The following GLMN variants were observed in gnomAD, a reference collection of about 807,000 sequenced individuals.
The protein encoded by GLMN is glomulin.
Under a neutral mutation model 87.8 loss-of-function variants are expected in GLMN, and 75 were observed. The observed-to-expected ratio is 0.85, with a 90% CI of 0.71 to 1.04. The LOEUF (loss-of-function observed/expected upper bound fraction) is 1.04. Among genes scored for constraint, GLMN ranks in the 50% least tolerant of loss-of-function variants. GLMN has a pLI of 0.00. For missense variants in GLMN, 588 were observed against 658.8 expected, an observed-to-expected ratio of 0.89 and a Z score of 1.18; for synonymous variants, 206 against 221.6, an observed-to-expected ratio of 0.93 and a Z score of 0.63.
chr1:92,325,005 A>G, the GLMN span, among the ~76,000 whole-genome samples: 8 of 152,110 alleles, frequency 5.3e-5, no homozygotes, highest in Non-Finnish European at 1.0e-4. Flanking sequence ...CTCTTGCTCA[A>G]TTGTTATTTG....
At chr1:92,326,152 A>G in the GLMN span, among the ~76,000 whole-genome samples, 2 of 152,022 alleles carry the variant, frequency 1.3e-5, no homozygotes, top group Admixed American at 6.6e-5. Flanking sequence ...CTACTACTAT[A>G]TGGGAGTTTC....
At chr1:92,276,398 C>T (rs1647299261) in intron 7 of GLMN, among the ~76,000 whole-genome samples, 1 of 151,970 alleles carries the variant, frequency 6.6e-6, no homozygotes, top group East Asian at 1.9e-4. Flanking sequence ...CAGTGGCTCT[C>T]GCCTGTAATC....
At chr1:92,321,078 C>T in the GLMN span, among the ~76,000 whole-genome samples, 1 of 152,146 alleles carries the variant, frequency 6.6e-6, no homozygotes, top group Non-Finnish European at 1.5e-5. Context: ...CTAAACTTTC[C>T]TCATGGTATT....
At chr1:92,287,542 T>C (rs1191171752) in intron 6 of GLMN, among the ~76,000 whole-genome samples, 4 of 151,884 alleles carry the variant, frequency 2.6e-5, no homozygotes, top group African/African-American at 9.7e-5. Flanking sequence ...GGTCTCACTA[T>C]GTTGCCTAGG....
chr1:92,325,440 T>A, the GLMN span, among the ~76,000 whole-genome samples: 1 of 152,154 alleles, frequency 6.6e-6, no homozygotes, highest in African/African-American at 2.4e-5. Flanking sequence ...AGGAGAAACA[T>A]TGATCTCTGT....
chr1:92,293,368 C>T (rs571208219), intron 3 of GLMN, among the ~76,000 whole-genome samples: 2 of 152,086 alleles, frequency 1.3e-5, no homozygotes, highest in South Asian at 2.1e-4. Flanking sequence ...TGTATTGTCG[C>T]GATCTCAGCT....
At chr1:92,321,666 A>C in the GLMN span, among the ~76,000 whole-genome samples, 11 of 152,084 alleles carry the variant, frequency 7.2e-5, no homozygotes, top group Non-Finnish European at 1.3e-4. Context: ...TGAAAATTGA[A>C]GAACATTGTC....
At chr1:92,308,892 G>A in the GLMN span, among the ~76,000 whole-genome samples, 1 of 152,000 alleles carries the variant, frequency 6.6e-6, no homozygotes, top group Admixed American at 6.6e-5. Context: ...CCTGGGAGGC[G>A]GAGGTTGCAG....
the GLMN span, among the ~76,000 whole-genome samples, chr1:92,335,684 C>G: frequency 6.6e-6 from 1 of 152,026 alleles, no homozygotes. Flanking sequence ...TCACATCTAT[C>G]ATGAATATCT....
intron 15 of GLMN, 135 bp from the exon 16 acceptor site, chr1:92,263,061 G>A (rs1319719785): frequency 5.7e-6 from 3 of 525,050 alleles, no homozygotes; most frequent in East Asian, 3.3e-5. Flanking sequence ...ATCTTTTTGA[G>A]TAGTAATAAC....
At chr1:92,303,300 T>C (rs2101102715), upstream of GLMN, among the ~76,000 whole-genome samples, 1 of 152,330 alleles carries the variant, frequency 6.6e-6, no homozygotes, top group Non-Finnish European at 1.5e-5. Context: ...ATATGCTTCA[T>C]TTGAAACATA....
chr1:92,339,957 G>A, the GLMN span, among the ~76,000 whole-genome samples: 2 of 152,148 alleles, frequency 1.3e-5, no homozygotes, highest in Non-Finnish European at 2.9e-5. Flanking sequence ...TGAATATGGG[G>A]TTGTACAGAA....
chr1:92,273,464 C>T (rs1415549402), intron 7 of GLMN, among the ~76,000 whole-genome samples: 8 of 94,134 alleles, frequency 8.5e-5, no homozygotes, highest in South Asian at 3.3e-4. Context: ...TTTTTTTTGG[C>T]GACAAGGTCT....
upstream of GLMN, among the ~76,000 whole-genome samples, chr1:92,302,706 A>T (rs1173361624): frequency 7.3e-6 from 1 of 137,622 alleles, no homozygotes; most frequent in African/African-American, 2.7e-5. Flanking sequence ...TGTTCACGCC[A>T]TTCTCCTGCC....
the GLMN span, among the ~76,000 whole-genome samples, chr1:92,318,388 A>G: frequency 6.6e-6 from 1 of 152,244 alleles, no homozygotes; most frequent in Non-Finnish European, 1.5e-5. Context: ...ACACTTAGTT[A>G]CATATAGATT....
the GLMN span, among the ~76,000 whole-genome samples, chr1:92,326,642 TG>T: frequency 1.3e-5 from 2 of 152,116 alleles, no homozygotes; most frequent in African/African-American, 4.8e-5. Context: ...GTGGCTGTTG[TG>T]GGGGATGGGA....
chr1:92,344,594 T>A, the GLMN span, among the ~76,000 whole-genome samples: 1 of 152,150 alleles, frequency 6.6e-6, no homozygotes, highest in African/African-American at 2.4e-5. Flanking sequence ...TATGTATAAG[T>A]GAGAGTATTT....
chr1:92,253,387 C>A (rs1327309714), intron 16 of GLMN, among the ~76,000 whole-genome samples: 3 of 152,182 alleles, frequency 2.0e-5, no homozygotes, highest in African/African-American at 7.2e-5. Context: ...AAGAGAGCAG[C>A]AGATCTCTCA....
chr1:92,349,188 A>C, the GLMN span, among the ~76,000 whole-genome samples: 1 of 152,246 alleles, frequency 6.6e-6, no homozygotes, highest in Admixed American at 6.5e-5. Flanking sequence ...TCTGGAATTC[A>C]TGTTTAAAAA....
Sources: gnomAD v4.1 joint callset for allele counts (sites outside exome capture counted in the v4.1 genomes callset) on GRCh38, gnomAD v4.1.1 for gene constraint, MANE v1.5 for transcripts, NCBI Gene and HGNC (gene_info 2026-07-23, HGNC 2026-07-21) for gene names.